Variants in RCAN2 observed in about 807,000 individuals in gnomAD.
RCAN2 encodes calcipressin-2.
Under a neutral mutation model 23.6 loss-of-function variants are expected in RCAN2, and 9 were observed. That is an observed-to-expected ratio of 0.38 (90% CI 0.23 to 0.67). The LOEUF is 0.67. RCAN2 is among the 30% of genes least tolerant of loss of function. The pLI is 0.51. For synonymous variants in RCAN2, 109 were observed against 115.7 expected (o/e 0.94, Z 0.37); for missense variants, 273 against 302.3 (o/e 0.90, Z 0.72).
intron 2 of RCAN2, among the ~76,000 whole-genome samples, chr6:46,388,251 A>C (rs961389942): frequency 6.6e-6 from 1 of 151,744 alleles, no homozygotes; most frequent in Admixed American, 6.6e-5. Context: ...TTGAAGTATA[A>C]TAAATAATAA....
At chr6:46,420,457 C>T (rs554981339) in intron 2 of RCAN2, among the ~76,000 whole-genome samples, 2 of 152,048 alleles carry the variant, frequency 1.3e-5, no homozygotes, top group South Asian at 4.2e-4. Flanking sequence ...TCTCTGACTG[C>T]TGAGCAGGGT....
At chr6:46,228,382 G>C (rs1765752763) in intron 4 of RCAN2, among the ~76,000 whole-genome samples, 1 of 152,160 alleles carries the variant, frequency 6.6e-6, no homozygotes, top group South Asian at 2.1e-4. Context: ...GGGTGTTAAA[G>C]TCTCTCATTA....
intron 2 of RCAN2, among the ~76,000 whole-genome samples, chr6:46,294,027 G>A (rs1432468623): frequency 6.6e-6 from 1 of 152,126 alleles, no homozygotes; most frequent in African/African-American, 2.4e-5. Flanking sequence ...AGTCAAGGGC[G>A]TGATGATTGG....
chr6:46,242,898 A>G (rs1248174421), intron 4 of RCAN2, among the ~76,000 whole-genome samples: 3 of 152,186 alleles, frequency 2.0e-5, no homozygotes, highest in African/African-American at 7.2e-5. Flanking sequence ...CATTCCTCCA[A>G]TGTTTATTGA....
intron 2 of RCAN2, among the ~76,000 whole-genome samples, chr6:46,337,108 C>G (rs949086802): frequency 6.6e-6 from 1 of 151,772 alleles, no homozygotes; most frequent in Non-Finnish European, 1.5e-5. Context: ...CACACATACA[C>G]ATTTGCTCAT....
chr6:46,385,838 C>CA (rs1251112254), intron 2 of RCAN2, among the ~76,000 whole-genome samples: 1 of 101,456 alleles, frequency 9.9e-6, no homozygotes, highest in Non-Finnish European at 1.8e-5. Context: ...GCCTGGGCAG[C>CA]AAAACAAGAC....
intron 2 of RCAN2, among the ~76,000 whole-genome samples, chr6:46,249,237 A>T (rs917433308): frequency 1.3e-5 from 2 of 151,816 alleles, no homozygotes; most frequent in Non-Finnish European, 2.9e-5. Flanking sequence ...TCTCCAAAAT[A>T]CTGGAGCTAC....
At chr6:46,320,649 A>G (rs1763583971) in intron 2 of RCAN2, among the ~76,000 whole-genome samples, 1 of 152,212 alleles carries the variant, frequency 6.6e-6, no homozygotes, top group African/African-American at 2.4e-5. Context: ...ATGGATTGGG[A>G]GGATGTTGAG....
At chr6:46,353,590 A>G (rs1313105380) in intron 2 of RCAN2, among the ~76,000 whole-genome samples, 2 of 152,200 alleles carry the variant, frequency 1.3e-5, no homozygotes, top group African/African-American at 4.8e-5. Context: ...ATGGTTACAA[A>G]TGTCCCTATT....
chr6:46,256,488 G>A (rs1766922028), intron 2 of RCAN2, among the ~76,000 whole-genome samples: 1 of 152,134 alleles, frequency 6.6e-6, no homozygotes, highest in South Asian at 2.1e-4. Context: ...CCGAACTCAG[G>A]CCATATTTGA....
chr6:46,397,109 T>C (rs1324720563), intron 2 of RCAN2, among the ~76,000 whole-genome samples: 1 of 152,130 alleles, frequency 6.6e-6, no homozygotes, highest in Non-Finnish European at 1.5e-5. Context: ...GAAACTCTAT[T>C]TCAAAAAAAA....
chr6:46,321,648 A>C (rs1763621583), intron 2 of RCAN2, among the ~76,000 whole-genome samples: 1 of 152,200 alleles, frequency 6.6e-6, no homozygotes, highest in South Asian at 2.1e-4. Flanking sequence ...ATTGCAGAGA[A>C]GGGGCAGCCC....
At chr6:46,475,044 GA>G (rs1768675716) in intron 1 of RCAN2, among the ~76,000 whole-genome samples, 1 of 152,144 alleles carries the variant, frequency 6.6e-6, no homozygotes, top group Non-Finnish European at 1.5e-5. Context: ...CAATTTTTAA[GA>G]AATACTGGAT....
At chr6:46,303,672 T>C (rs983886408) in intron 2 of RCAN2, among the ~76,000 whole-genome samples, 5 of 152,080 alleles carry the variant, frequency 3.3e-5, no homozygotes, top group African/African-American at 1.2e-4. Flanking sequence ...AATCCTCAGG[T>C]TGACCATTAT....
intron 2 of RCAN2, among the ~76,000 whole-genome samples, chr6:46,363,327 G>A (rs1246672913): frequency 1.3e-5 from 2 of 152,066 alleles, no homozygotes; most frequent in Non-Finnish European, 2.9e-5. Context: ...CCAAGCTGGA[G>A]GACAATGTAT....
intron 2 of RCAN2, among the ~76,000 whole-genome samples, chr6:46,336,457 A>G (rs4714925): frequency 0.42 from 64,410 of 152,118 alleles, 15,041 homozygotes; most frequent in East Asian, 0.6. Flanking sequence ...AAAGGCTTCA[A>G]GGAAAAAGAA....
At chr6:46,228,802 T>C (rs1167064730) in intron 4 of RCAN2, among the ~76,000 whole-genome samples, 1 of 152,228 alleles carries the variant, frequency 6.6e-6, no homozygotes, top group Non-Finnish European at 1.5e-5. Context: ...GTGAATTTGA[T>C]CCTGTCATTA....
At chr6:46,304,654 T>C (rs1183365468) in intron 2 of RCAN2, among the ~76,000 whole-genome samples, 2 of 152,088 alleles carry the variant, frequency 1.3e-5, no homozygotes, top group Non-Finnish European at 2.9e-5. Flanking sequence ...ACAGTGGTAC[T>C]GAGGCAGGGA....
chr6:46,431,697 C>T (rs1582196665), intron 2 of RCAN2, among the ~76,000 whole-genome samples: 2 of 152,200 alleles, frequency 1.3e-5, no homozygotes, highest in African/African-American at 2.4e-5. Flanking sequence ...TATTGGCTAG[C>T]TTCCTTTAAC....
Sources: gnomAD v4.1 joint callset for allele counts (sites outside exome capture counted in the v4.1 genomes callset) on GRCh38, gnomAD v4.1.1 for gene constraint, MANE v1.5 for transcripts, NCBI Gene and HGNC (gene_info 2026-07-23, HGNC 2026-07-21) for gene names.